The following ZFAND3 variants were observed in gnomAD, a reference collection of about 807,000 sequenced individuals.
ZFAND3 encodes zinc finger AN1-type containing 3, also known as AN1-type zinc finger protein 3.
A neutral mutation model predicts 29.6 loss-of-function variants in ZFAND3; 10 were observed. The ratio of observed to expected loss-of-function variants is 0.34; its 90% CI spans 0.21 to 0.57. The LOEUF is 0.57. Among genes scored for constraint, ZFAND3 ranks in the 20% least tolerant of loss-of-function variants. The pLI is 0.86. For missense variants in ZFAND3, 230 were observed against 304.5 expected (o/e 0.76, Z 1.82); for synonymous variants, 128 against 112.6 (o/e 1.14, Z -0.87).
intron 3 of ZFAND3, among the ~76,000 whole-genome samples, chr6:38,069,258 G>A (rs533656965): frequency 2.3e-4 from 35 of 152,244 alleles, no homozygotes; most frequent in African/African-American, 8.4e-4. Context: ...AGAAAATATT[G>A]CCTATTAAAA....
chr6:37,921,487 TC>T (rs1016215824), intron 1 of ZFAND3, among the ~76,000 whole-genome samples: 1 of 152,036 alleles, frequency 6.6e-6, no homozygotes, highest in African/African-American at 2.4e-5. Context: ...GTTTTTTATT[TC>T]CATATTTATA....
chr6:38,000,061 C>G (rs1449539024), intron 2 of ZFAND3, among the ~76,000 whole-genome samples: 1 of 152,028 alleles, frequency 6.6e-6, no homozygotes, highest in Non-Finnish European at 1.5e-5. Flanking sequence ...AAGGAAAATA[C>G]TTCTGGGTGG....
intron 3 of ZFAND3, among the ~76,000 whole-genome samples, chr6:38,080,345 T>C (rs528792473): frequency 2.6e-5 from 4 of 151,746 alleles, no homozygotes; most frequent in Non-Finnish European, 5.9e-5. Flanking sequence ...GTTACTCTTC[T>C]GATTAAATAG....
At position 37,888,821 on chromosome 6, in the gene ZFAND3, T is replaced by C. The variant is rs1036970162; in HGVS notation, c.72-41138T>C. ...GTGGCCTAAAAAATGCTATTTCTAC[T>C]ATATGGTAATTGACCTTTTTAAACA... On this transcript the variant is annotated intron_variant, in intron 1 of 5. Coordinates refer to ENST00000287218, the MANE Select transcript of ZFAND3 (RefSeq NM_021943.3). 7.9e-5 allele frequency among the ~76,000 whole-genome samples: 12 copies of C among 152,372 alleles called. No individual in the cohort carries two copies. The South Asian group carries it at 2.3e-3, about 29-fold the overall frequency.
intron 5 of ZFAND3, among the ~76,000 whole-genome samples, chr6:38,127,632 A>G (rs913814537): frequency 6.6e-6 from 1 of 152,054 alleles, no homozygotes; most frequent in African/African-American, 2.4e-5. Context: ...ATTTGTGTGT[A>G]GATAATAGAA....
At chr6:37,832,064 C>T (rs142110960) in intron 1 of ZFAND3, among the ~76,000 whole-genome samples, 82 of 152,252 alleles carry the variant, frequency 5.4e-4, no homozygotes, top group Non-Finnish European at 1.0e-3. Flanking sequence ...CTGGTGAAGT[C>T]GTGGACCCCT....
intron 1 of ZFAND3, among the ~76,000 whole-genome samples, chr6:37,835,464 G>GTTTT (rs373349669): frequency 5.8e-4 from 80 of 137,132 alleles, no homozygotes; most frequent in Admixed American, 4.9e-3. Flanking sequence ...GCCTGTAAGA[G>GTTTT]TTTTTTTTTT....
chr6:37,858,382 A>G (rs1187004133), intron 1 of ZFAND3, among the ~76,000 whole-genome samples: 1 of 152,212 alleles, frequency 6.6e-6, no homozygotes, highest in African/African-American at 2.4e-5. Flanking sequence ...GAATGCCAAC[A>G]TGTGGTTGTA....
chr6:38,125,627 T>C (rs1246009333), intron 5 of ZFAND3, among the ~76,000 whole-genome samples: 1 of 152,222 alleles, frequency 6.6e-6, no homozygotes, highest in Non-Finnish European at 1.5e-5. Flanking sequence ...CAGCTACTTG[T>C]ATAGTCTAAT....
chr6:38,086,824 C>G (rs2127472430), intron 4 of ZFAND3, among the ~76,000 whole-genome samples: 1 of 152,100 alleles, frequency 6.6e-6, no homozygotes, highest in African/African-American at 2.4e-5. Flanking sequence ...ACATTCTTCA[C>G]AGAAATAGAA....
chr6:38,120,883 T>C (rs1359707992), intron 5 of ZFAND3, among the ~76,000 whole-genome samples: 1 of 152,226 alleles, frequency 6.6e-6, no homozygotes, highest in Non-Finnish European at 1.5e-5. Flanking sequence ...TCTGGAGTAG[T>C]TGATCATCTC....
chr6:37,969,503 T>C (rs1581800257), intron 2 of ZFAND3, among the ~76,000 whole-genome samples: 1 of 152,346 alleles, frequency 6.6e-6, no homozygotes, highest in Non-Finnish European at 1.5e-5. Context: ...AATAATGTGC[T>C]GAATATCTCA....
At chr6:38,013,543 A>G (rs1161550103) in intron 2 of ZFAND3, among the ~76,000 whole-genome samples, 1 of 152,198 alleles carries the variant, frequency 6.6e-6, no homozygotes, top group Non-Finnish European at 1.5e-5. Context: ...GTATTTGCCT[A>G]AAACCATATA....
chr6:37,939,574 C>T (rs912848974), intron 2 of ZFAND3, among the ~76,000 whole-genome samples: 1 of 152,076 alleles, frequency 6.6e-6, no homozygotes, highest in Non-Finnish European at 1.5e-5. Flanking sequence ...CAGTCCACTA[C>T]GGGAATATGT....
chr6:38,059,335 G>C (rs146053890), intron 2 of ZFAND3, among the ~76,000 whole-genome samples: 5 of 152,124 alleles, frequency 3.3e-5, no homozygotes, highest in African/African-American at 1.2e-4. Flanking sequence ...TTTTATATAA[G>C]TATTATTATA....
intron 1 of ZFAND3, among the ~76,000 whole-genome samples, chr6:37,898,425 A>G (rs1765259022): frequency 6.6e-6 from 1 of 152,152 alleles, no homozygotes; most frequent in South Asian, 2.1e-4. Context: ...AGGTTTTCAT[A>G]TCTGGTAGTG....
At chr6:37,865,908 A>G (rs911125699) in intron 1 of ZFAND3, among the ~76,000 whole-genome samples, 5 of 152,200 alleles carry the variant, frequency 3.3e-5, no homozygotes, top group Non-Finnish European at 7.4e-5. Context: ...TTCACCCTTC[A>G]GTCTTCCTGC....
chr6:38,070,579 T>C (rs1278965944), intron 3 of ZFAND3, among the ~76,000 whole-genome samples: 2 of 152,192 alleles, frequency 1.3e-5, no homozygotes, highest in African/African-American at 4.8e-5. Context: ...ACTATCCTTT[T>C]CTCTACTCTC....
chr6:38,101,921 C>G (rs79712031), intron 4 of ZFAND3, among the ~76,000 whole-genome samples: 1,982 of 151,938 alleles, frequency 0.013, 18 homozygotes, highest in Non-Finnish European at 0.019. Flanking sequence ...AGCATCTACT[C>G]AGTTATGCAT....
Sources: gnomAD v4.1 joint callset for allele counts (sites outside exome capture counted in the v4.1 genomes callset) on GRCh38, gnomAD v4.1.1 for gene constraint, MANE v1.5 for transcripts, NCBI Gene and HGNC (gene_info 2026-07-23, HGNC 2026-07-21) for gene names.